The following UPP2 variants were observed in gnomAD, a reference collection of about 807,000 sequenced individuals.
The protein encoded by UPP2 is uridine phosphorylase 2.
In UPP2, 23 loss-of-function variants were observed where a neutral mutation model predicts 26.7. The observed-to-expected ratio is 0.86, with a 90% CI of 0.62 to 1.22. UPP2 has a LOEUF of 1.22. UPP2 is among the 50% of genes most tolerant of loss of function. The pLI is 0.00. For missense variants in UPP2, 387 were observed against 396.7 expected (o/e 0.98, Z 0.21); for synonymous variants, 127 against 141.3 (o/e 0.90, Z 0.72).
chr2:158,045,891 G>A (rs1684146571), intron 3 of UPP2, among the ~76,000 whole-genome samples: 1 of 152,100 alleles, frequency 6.6e-6, no homozygotes, highest in Non-Finnish European at 1.5e-5. Flanking sequence ...AGTACCAGTG[G>A]GGCCAGCCAT....
intron 3 of UPP2, among the ~76,000 whole-genome samples, chr2:158,060,222 TC>T (rs1682332358): frequency 6.6e-6 from 1 of 152,200 alleles, no homozygotes; most frequent in South Asian, 2.1e-4. Flanking sequence ...CTGGACTCAG[TC>T]TCATATTACT....
Position 158,075,208 on chromosome 2 carries a change from C to G in UPP2, c.148-26832C>G, listed in dbSNP as rs557498104. 2.6e-5 allele frequency among the ~76,000 whole-genome samples: 4 copies of G among 152,054 alleles called. No homozygotes were observed. In the South Asian group the frequency reaches 8.3e-4, roughly 32 times the overall value. On this transcript the variant is annotated intron_variant, in intron 3 of 9. Coordinates refer to the UPP2 transcript ENST00000605860. Reference sequence around the variant, plus strand: ...TCAACACCCCACTTTCAGCATTGGACAGATCTTTCAGAAAGAAAATTAACA... The same window carrying G: ...TCAACACCCCACTTTCAGCATTGGAGAGATCTTTCAGAAAGAAAATTAACA...
intron 3 of UPP2, among the ~76,000 whole-genome samples, chr2:158,043,287 C>A (rs1049774631): frequency 2.0e-5 from 3 of 152,282 alleles, no homozygotes; most frequent in Middle Eastern, 3.4e-3. Context: ...AGGCTATAAT[C>A]CTGCTCATGA....
chr2:158,020,047 T>A (rs894884376), intron 3 of UPP2, among the ~76,000 whole-genome samples: 2 of 152,240 alleles, frequency 1.3e-5, no homozygotes, highest in African/African-American at 4.8e-5. Context: ...GACTGTTGAA[T>A]AGCGACTAGA....
At chr2:158,129,962 G>T (rs1683778028) in intron 6 of UPP2, among the ~76,000 whole-genome samples, 1 of 152,056 alleles carries the variant, frequency 6.6e-6, no homozygotes, top group African/African-American at 2.4e-5. Flanking sequence ...TGTGGTTGTT[G>T]TTGTTTTTGC....
At chr2:158,026,350 A>G (rs1387113619) in intron 3 of UPP2, among the ~76,000 whole-genome samples, 2 of 152,146 alleles carry the variant, frequency 1.3e-5, no homozygotes, top group African/African-American at 4.8e-5. Context: ...GCCCAAGTAA[A>G]GGTCTCAAGG....
chr2:158,096,407 T>A (rs911454536), intron 3 of UPP2, among the ~76,000 whole-genome samples: 9 of 152,200 alleles, frequency 5.9e-5, no homozygotes, highest in African/African-American at 1.9e-4. Flanking sequence ...GAGACCAGCC[T>A]GGCCAACATG....
rs201291371 is a variant in UPP2, at chr2:158,102,551, CAT to C, written c.62+429_62+430del. The stretch of plus-strand genomic sequence containing the variant: ...ATTGCAGGATATTGTGGAGTGATTT[CAT>C]ATGCTTCATGATGGACCTTACATAG... On this transcript the variant is annotated intron_variant, in intron 1 of 6. Transcript: ENST00000005756. Among the ~76,000 whole-genome samples the C allele has an allele frequency of 6.1e-3, 936 of 152,252 alleles. 5 individuals are homozygous for C. The highest frequency in any genetic ancestry group is 0.027 in the Middle Eastern group (8 of 294).
intron 3 of UPP2, among the ~76,000 whole-genome samples, chr2:158,096,216 GA>G (rs1682982914): frequency 6.6e-6 from 1 of 152,202 alleles, no homozygotes; most frequent in Non-Finnish European, 1.5e-5. Flanking sequence ...AAGGCCACCA[GA>G]AAAGCCAGGG....
chr2:158,036,935 TCTC>T (rs1220990062), intron 3 of UPP2, among the ~76,000 whole-genome samples: 1 of 152,058 alleles, frequency 6.6e-6, no homozygotes, highest in Non-Finnish European at 1.5e-5. Context: ...AAGTGACACA[TCTC>T]CAACAAAACA....
chr2:158,059,825 G>A (rs1682325326), intron 3 of UPP2, among the ~76,000 whole-genome samples: 1 of 151,966 alleles, frequency 6.6e-6, no homozygotes, highest in Non-Finnish European at 1.5e-5. Flanking sequence ...TGGCTTCTAA[G>A]TTCAATGTTC....
intron 3 of UPP2, 62 bp downstream of exon 3, chr2:158,115,321 T>G (rs1683406506): frequency 6.6e-7 from 1 of 1,505,292 alleles, no homozygotes; most frequent in Non-Finnish European, 8.9e-7. Flanking sequence ...GTGGGAACTT[T>G]TACATGTAGG....
rs973924689 is a variant in UPP2, at chr2:158,083,903, A to G, written c.148-18137A>G. On this transcript the variant is annotated intron_variant, in intron 3 of 9. Coordinates refer to the UPP2 transcript ENST00000605860. ...TATATATCTCACAAGTTCTTTATCT[A>G]TGGTGATTGAGTGGCATTTGGGCTG... is the stretch of plus-strand genomic sequence containing the variant. Among the ~76,000 whole-genome samples, 10 of 148,228 alleles carry G rather than the reference A, an allele frequency of 6.7e-5. No homozygotes were observed. In the South Asian group the frequency reaches 8.4e-4, roughly 13 times the overall value.
chr2:158,077,807 A>G (rs1329545237), intron 3 of UPP2, among the ~76,000 whole-genome samples: 2 of 152,076 alleles, frequency 1.3e-5, no homozygotes, highest in Non-Finnish European at 2.9e-5. Context: ...CTTCTGCACA[A>G]CAAAGGAAAC....
Position 157,999,585 on chromosome 2 carries a change from C to CATGACTGCT in UPP2, c.61+4329_61+4337dup, listed in dbSNP as rs374892691. Among the ~76,000 whole-genome samples the CATGACTGCT allele has an allele frequency of 3.2e-3, 490 of 152,262 alleles. 1 individual carries two copies. The highest frequency in any genetic ancestry group is 0.011 in the African/African-American group (438 of 41,550). On this transcript the variant is annotated intron_variant, in intron 2 of 9. Transcript: ENST00000605860. ...ATAGTTATAAACCTGTTTTAATAAC[C>CATGACTGCT]ATGACTGCTATAGTCATTCACCACA...
chr2:158,049,395 T>C (rs987880064), intron 3 of UPP2, among the ~76,000 whole-genome samples: 10 of 152,286 alleles, frequency 6.6e-5, no homozygotes, highest in Admixed American at 2.6e-4. Context: ...TTAACCTCAT[T>C]GGTTAAGTTC....
chr2:158,092,618 A>G (rs1347085030), intron 3 of UPP2, among the ~76,000 whole-genome samples: 2 of 152,256 alleles, frequency 1.3e-5, no homozygotes, highest in Non-Finnish European at 2.9e-5. Context: ...CTGAGAAGCA[A>G]TTGTGATCAA....
intron 2 of UPP2, among the ~76,000 whole-genome samples, chr2:158,001,840 C>T (rs911618854): frequency 6.6e-6 from 1 of 150,694 alleles, no homozygotes; most frequent in Non-Finnish European, 1.5e-5. Flanking sequence ...AATACCTGGA[C>T]ATTTGCAACC....
At chr2:158,023,394 C>T (rs930361742) in intron 3 of UPP2, among the ~76,000 whole-genome samples, 10 of 152,316 alleles carry the variant, frequency 6.6e-5, no homozygotes, top group African/African-American at 2.4e-4. Context: ...TAATGCTAAG[C>T]TTGGAATCTG....
Sources: gnomAD v4.1 joint callset for allele counts (sites outside exome capture counted in the v4.1 genomes callset) on GRCh38, gnomAD v4.1.1 for gene constraint, MANE v1.5 for transcripts, NCBI Gene and HGNC (gene_info 2026-07-23, HGNC 2026-07-21) for gene names.